Variants in FAM210A observed in about 807,000 individuals in gnomAD.
The protein encoded by FAM210A is mitochondrial inner membrane scaffold 1.
FAM210A carries 13 observed loss-of-function variants against 25.3 expected under a neutral mutation model. The observed-to-expected ratio is 0.51, with a 90% confidence interval of 0.33 to 0.82. The LOEUF (loss-of-function observed/expected upper bound fraction) is 0.82, where lower values mean the gene tolerates loss of function less well. Among genes scored for constraint, FAM210A ranks in the 40% least tolerant of loss-of-function variants. FAM210A has a pLI of 0.02. For missense variants in FAM210A, 319 were observed against 323.2 expected (o/e 0.99, Z 0.10); for synonymous variants, 125 against 118.7 (o/e 1.05, Z -0.35).
intron 1 of FAM210A, among the ~76,000 whole-genome samples, chr18:13,716,929 G>C (rs2043865890): frequency 6.6e-6 from 1 of 152,202 alleles, no homozygotes; most frequent in South Asian, 2.1e-4. Flanking sequence ...AACACAGGGA[G>C]CCCGCCTAAG....
intron 1 of FAM210A, among the ~76,000 whole-genome samples, chr18:13,706,813 A>C (rs888701931): frequency 2.6e-5 from 4 of 152,246 alleles, no homozygotes; most frequent in Admixed American, 6.5e-5. Context: ...CCTATGAAGA[A>C]ATACGTCAAA....
intron 1 of FAM210A, among the ~76,000 whole-genome samples, 158 bp from the exon 2 acceptor site, chr18:13,682,263 T>C (rs1215396117): frequency 6.6e-6 from 1 of 152,196 alleles, no homozygotes; most frequent in Non-Finnish European, 1.5e-5. Flanking sequence ...TTAAGCACAG[T>C]GTAATTTTAA....
At chr18:13,680,975 C>G (rs1232429675) in intron 2 of FAM210A, among the ~76,000 whole-genome samples, 1 of 152,178 alleles carries the variant, frequency 6.6e-6, no homozygotes. Flanking sequence ...GAACAAAAGA[C>G]CTTTCCTTGA....
chr18:13,668,151 C>T (rs548139446), intron 3 of FAM210A, among the ~76,000 whole-genome samples: 2 of 152,300 alleles, frequency 1.3e-5, no homozygotes, highest in South Asian at 2.1e-4. Flanking sequence ...CCTAAACTCA[C>T]GTTAAGCAAG....
chr18:13,682,129 A>C, intron 1 of FAM210A, 24 bp from the exon 2 acceptor site: 1 of 1,435,206 alleles, frequency 7.0e-7, no homozygotes, highest in Non-Finnish European at 9.4e-7. Context: ...TTTTCAAAAA[A>C]ATTAGGTAAT....
At chr18:13,671,772 C>A in intron 3 of FAM210A, 90 bp downstream of exon 3, 3 of 712,716 alleles carry the variant, frequency 4.2e-6, no homozygotes, top group Non-Finnish European at 7.4e-6. Flanking sequence ...TTACGAAATA[C>A]AATTGGAAGC....
chr18:13,703,643 A>C (rs1261659537), intron 1 of FAM210A, among the ~76,000 whole-genome samples: 2 of 152,206 alleles, frequency 1.3e-5, no homozygotes, highest in Non-Finnish European at 2.9e-5. Context: ...ACTAGGAAAT[A>C]AAAAAATCTT....
At chr18:13,675,609 C>T (rs191577863) in intron 2 of FAM210A, among the ~76,000 whole-genome samples, 230 of 133,590 alleles carry the variant, frequency 1.7e-3, no homozygotes, top group Middle Eastern at 5.6e-3. Context: ...CATTTCTGAG[C>T]CCTGGCCTCT....
At chr18:13,695,646 T>C (rs1188025090) in intron 1 of FAM210A, among the ~76,000 whole-genome samples, 1 of 144,278 alleles carries the variant, frequency 6.9e-6, no homozygotes, top group Non-Finnish European at 1.5e-5. Flanking sequence ...TTCTCACTCA[T>C]AGGTGGGAAC....
intron 1 of FAM210A, among the ~76,000 whole-genome samples, chr18:13,694,189 A>C (rs1264992010): frequency 3.3e-5 from 5 of 152,254 alleles, no homozygotes; most frequent in African/African-American, 1.2e-4. Context: ...GACCTCTTCA[A>C]GGAGAACTAC....
intron 1 of FAM210A, among the ~76,000 whole-genome samples, chr18:13,722,849 CTT>C (rs10560002): frequency 0.11 from 15,481 of 145,212 alleles, 850 homozygotes; most frequent in South Asian, 0.15. Flanking sequence ...TCTTTCCTTT[CTT>C]TTTTTTTTTT....
intron 1 of FAM210A, chr18:13,715,032 A>G (rs2043849514): frequency 6.6e-6 from 1 of 152,104 alleles, no homozygotes; most frequent in African/African-American, 2.4e-5. Context: ...CACATGTCCA[A>G]TAACCTAGTT....
intron 1 of FAM210A, among the ~76,000 whole-genome samples, chr18:13,690,028 G>A (rs1379097358): frequency 3.3e-5 from 5 of 152,214 alleles, no homozygotes; most frequent in African/African-American, 7.2e-5. Flanking sequence ...CGTGACAGAC[G>A]GTACGTGGAA....
At chr18:13,673,572 G>T in intron 2 of FAM210A, among the ~76,000 whole-genome samples, 1 of 147,638 alleles carries the variant, frequency 6.8e-6, no homozygotes. Context: ...TTTATTTCCA[G>T]TTTCCTGATT....
chr18:13,682,958 T>C (rs1301992817), intron 1 of FAM210A, among the ~76,000 whole-genome samples: 2 of 152,152 alleles, frequency 1.3e-5, no homozygotes, highest in Non-Finnish European at 2.9e-5. Flanking sequence ...TGGGGAATAA[T>C]GTTTTGAGGC....
chr18:13,710,626 C>G (rs1812790191), intron 1 of FAM210A: 1 of 152,150 alleles, frequency 6.6e-6, no homozygotes, highest in Admixed American at 6.5e-5. Flanking sequence ...GATTGGTCTT[C>G]CTAAATATTT....
intron 1 of FAM210A, among the ~76,000 whole-genome samples, chr18:13,719,584 C>T (rs1335829312): frequency 6.6e-6 from 1 of 152,154 alleles, no homozygotes; most frequent in Non-Finnish European, 1.5e-5. Context: ...ATGCTTAAAG[C>T]CCAGCCACCC....
At chr18:13,716,265 T>C (rs2043860760) in intron 1 of FAM210A, among the ~76,000 whole-genome samples, 1 of 152,202 alleles carries the variant, frequency 6.6e-6, no homozygotes, top group African/African-American at 2.4e-5. Flanking sequence ...GTTGGCTGCC[T>C]ACTAAGCATC....
At chr18:13,703,987 T>C (rs2043760004) in intron 1 of FAM210A, among the ~76,000 whole-genome samples, 1 of 152,184 alleles carries the variant, frequency 6.6e-6, no homozygotes. Flanking sequence ...GTATGGTAAA[T>C]TCTTTTCCCA....
Sources: gnomAD v4.1 joint callset for allele counts (sites outside exome capture counted in the v4.1 genomes callset) on GRCh38, gnomAD v4.1.1 for gene constraint, MANE v1.5 for transcripts, NCBI Gene and HGNC (gene_info 2026-07-23, HGNC 2026-07-21) for gene names.